GALNTL6: variants seen among roughly 807,000 people sequenced by gnomAD.
The protein encoded by GALNTL6 is polypeptide N-acetylgalactosaminyltransferase like 6.
In GALNTL6, 46 loss-of-function variants were observed where a neutral mutation model predicts 73.7. The observed-to-expected ratio is 0.62, with a 90% CI of 0.49 to 0.80. The LOEUF is 0.80. Among genes scored for constraint, GALNTL6 ranks in the 30% least tolerant of loss-of-function variants. GALNTL6 has a pLI of 0.00. For synonymous variants in GALNTL6, 259 were observed against 263.7 expected, an observed-to-expected ratio of 0.98 and a Z score of 0.17; for missense variants, 604 against 755.0, an observed-to-expected ratio of 0.80 and a Z score of 2.34.
intron 5 of GALNTL6, among the ~76,000 whole-genome samples, chr4:172,474,730 A>G (rs1733172046): frequency 1.3e-5 from 2 of 152,308 alleles, no homozygotes; most frequent in East Asian, 1.9e-4. Context: ...TTTAATAAAT[A>G]GTTCTTGTTT....
chr4:171,948,012 C>G (rs1738753572), intron 2 of GALNTL6, among the ~76,000 whole-genome samples: 1 of 152,096 alleles, frequency 6.6e-6, no homozygotes, highest in South Asian at 2.1e-4. Flanking sequence ...CCATTTCTCA[C>G]TTAGGTACAA....
intron 7 of GALNTL6, among the ~76,000 whole-genome samples, chr4:172,829,072 T>A (rs1034407667): frequency 6.6e-6 from 1 of 152,196 alleles, no homozygotes; most frequent in Admixed American, 6.5e-5. Flanking sequence ...TCTGGTGTAC[T>A]CCCGTGCCTT....
At chr4:171,888,984 C>T (rs536375724) in intron 2 of GALNTL6, among the ~76,000 whole-genome samples, 77 of 152,004 alleles carry the variant, frequency 5.1e-4, no homozygotes, top group African/African-American at 1.8e-3. Flanking sequence ...AAAGAATTTC[C>T]TTCTTGATCC....
intron 2 of GALNTL6, among the ~76,000 whole-genome samples, chr4:171,940,704 A>G (rs940711569): frequency 3.3e-5 from 5 of 151,820 alleles, no homozygotes; most frequent in African/African-American, 1.2e-4. Context: ...TGCATCTATA[A>G]TCCAAGCTAC....
intron 2 of GALNTL6, among the ~76,000 whole-genome samples, chr4:171,997,405 C>T (rs937765076): frequency 3.9e-5 from 6 of 151,976 alleles, no homozygotes; most frequent in African/African-American, 7.2e-5. Context: ...ATAAACCCAT[C>T]GTAAGTTGAA....
At chr4:172,837,131 A>G (rs374159647) in intron 7 of GALNTL6, among the ~76,000 whole-genome samples, 11 of 152,244 alleles carry the variant, frequency 7.2e-5, no homozygotes, top group African/African-American at 2.7e-4. Context: ...TACAAGGGCC[A>G]TAGCCTGACC....
chr4:172,811,925 C>G (rs1741323468), intron 6 of GALNTL6, among the ~76,000 whole-genome samples: 1 of 151,964 alleles, frequency 6.6e-6, no homozygotes, highest in Admixed American at 6.6e-5. Context: ...TCATGGTATC[C>G]CCAGAACCCA....
intron 2 of GALNTL6, among the ~76,000 whole-genome samples, chr4:171,936,726 T>A (rs1332934892): frequency 1.3e-5 from 2 of 152,152 alleles, no homozygotes; most frequent in African/African-American, 4.8e-5. Context: ...TGGACATATA[T>A]CATAGCAAGA....
In GALNTL6 at chr4:172,238,771, T is replaced by C. The variant is rs1737324376; in HGVS notation, c.247+9007T>C. On this transcript the variant is annotated intron_variant, in intron 3 of 12. Coordinates refer to ENST00000506823, the MANE Select transcript of GALNTL6 (RefSeq NM_001034845.3). ...ATGGCTCTTGTTATTTTGAGGTATG[T>C]CCTTTAGATGCCTAGTTTGTTGAGG... Among the ~76,000 whole-genome samples, 4 of 152,182 alleles carry C rather than the reference T, an allele frequency of 2.6e-5. No homozygotes were observed. In the South Asian group the frequency reaches 8.3e-4, roughly 31 times the overall value.
chr4:172,640,905 T>G (rs1398822325), intron 5 of GALNTL6, among the ~76,000 whole-genome samples: 1 of 152,112 alleles, frequency 6.6e-6, no homozygotes, highest in Non-Finnish European at 1.5e-5. Flanking sequence ...ATATATATGA[T>G]AGTTTTAACA....
intron 5 of GALNTL6, among the ~76,000 whole-genome samples, chr4:172,478,570 T>G (rs1471415129): frequency 6.6e-6 from 1 of 152,146 alleles, no homozygotes; most frequent in Non-Finnish European, 1.5e-5. Flanking sequence ...GGAGAAACCC[T>G]AGGAAACACT....
chr4:172,873,625 G>A (rs995237599), intron 7 of GALNTL6, among the ~76,000 whole-genome samples: 39 of 152,246 alleles, frequency 2.6e-4, no homozygotes, highest in African/African-American at 9.4e-4. Context: ...TCCTGTCAGA[G>A]TTAGATGAAA....
intron 2 of GALNTL6, among the ~76,000 whole-genome samples, chr4:171,939,733 A>G (rs1738468289): frequency 6.6e-6 from 1 of 152,088 alleles, no homozygotes; most frequent in Non-Finnish European, 1.5e-5. Flanking sequence ...AAAAATATAA[A>G]TATTTAATAG....
At chr4:171,926,592 T>C (rs554751539) in intron 2 of GALNTL6, among the ~76,000 whole-genome samples, 5 of 152,278 alleles carry the variant, frequency 3.3e-5, no homozygotes, top group African/African-American at 1.2e-4. Flanking sequence ...TGAGTTCCCA[T>C]TTCCTGTCTC....
At chr4:172,827,706 G>A (rs1205750885) in intron 7 of GALNTL6, among the ~76,000 whole-genome samples, 3 of 152,084 alleles carry the variant, frequency 2.0e-5, no homozygotes, top group Non-Finnish European at 4.4e-5. Flanking sequence ...TGAAAGCCAA[G>A]CTGAGCAGTG....
intron 2 of GALNTL6, among the ~76,000 whole-genome samples, chr4:171,896,511 T>C (rs1026564554): frequency 1.3e-5 from 2 of 152,224 alleles, no homozygotes; most frequent in Non-Finnish European, 2.9e-5. Context: ...TTTCTCACGG[T>C]TCTGGAGCCT....
At chr4:171,854,532 T>C (rs938755631) in intron 2 of GALNTL6, among the ~76,000 whole-genome samples, 1 of 152,354 alleles carries the variant, frequency 6.6e-6, no homozygotes, top group African/African-American at 2.4e-5. Flanking sequence ...GTTGTTGCTA[T>C]AGAAAGTAAG....
chr4:172,135,823 T>G (rs1232468251), intron 2 of GALNTL6, among the ~76,000 whole-genome samples: 3 of 152,118 alleles, frequency 2.0e-5, no homozygotes, highest in Non-Finnish European at 4.4e-5. Context: ...AACTTCTTGA[T>G]CAAGCACCCT....
At chr4:173,030,084 A>G (rs1378674382) in intron 12 of GALNTL6, among the ~76,000 whole-genome samples, 1 of 152,214 alleles carries the variant, frequency 6.6e-6, no homozygotes, top group Non-Finnish European at 1.5e-5. Context: ...TGGACTCTTC[A>G]AACATCTTGC....
Sources: allele counts gnomAD v4.1 joint callset (sites outside exome capture counted in the v4.1 genomes callset), GRCh38; gene constraint gnomAD v4.1.1; transcripts MANE v1.5; gene names NCBI Gene and HGNC (gene_info 2026-07-23, HGNC 2026-07-21).